The following NCOR2 variants were observed in gnomAD, a reference collection of about 807,000 sequenced individuals.
NCOR2 encodes nuclear receptor corepressor 2, also known as CTG repeat protein 26.
A neutral mutation model predicts 262.9 loss-of-function variants in NCOR2; 81 were observed. The ratio of observed to expected loss-of-function variants is 0.31; its 90% CI spans 0.26 to 0.37. NCOR2 has a LOEUF of 0.37. NCOR2 is among the 10% of genes least tolerant of loss of function. The pLI, the probability that NCOR2 is intolerant of heterozygous loss-of-function variation, is 1.00. For synonymous variants in NCOR2, 1,659 were observed against 1,559.3 expected (o/e 1.06, Z -1.51); for missense variants, 3,385 against 3,621.4 (o/e 0.93, Z 1.68).
At chr12:124,403,174 A>G (rs781091306) in intron 13 of NCOR2, among the ~76,000 whole-genome samples, 1 of 152,108 alleles carries the variant, frequency 6.6e-6, no homozygotes, top group Non-Finnish European at 1.5e-5. Flanking sequence ...CGAGTCTGTA[A>G]AACGGGGAGG....
At chr12:124,337,761 T>C (rs1224848871) in intron 37 of NCOR2, among the ~76,000 whole-genome samples, 2 of 151,888 alleles carry the variant, frequency 1.3e-5, no homozygotes, top group East Asian at 1.9e-4. Flanking sequence ...TTCCCAGCTC[T>C]GTGAGTGAGA....
In NCOR2 at chr12:124,548,398, C is replaced by CA. The variant is rs1365481049; in HGVS notation, c.-164-12788dup. Among the ~76,000 whole-genome samples, 1 of 152,128 alleles carries CA rather than the reference C, an allele frequency of 6.6e-6. No individual in the cohort carries two copies. Among genetic ancestry groups the CA allele is most frequent in the Non-Finnish European group, 1.5e-5 (1 of 68,032 alleles). On this transcript the variant is annotated intron_variant, in intron 1 of 32. Transcript: ENST00000458234. The surrounding 1 kb of genome is among the most constrained non-coding windows in gnomAD (Gnocchi z 5.1). ...TGATGGGATCCCTCTGGCTGCAACT[C>CA]AGAGACCAGACAGGTGTGACCAGAG... is the stretch of plus-strand genomic sequence containing the variant.
At chr12:124,367,835 T>C (rs1484870075) in intron 20 of NCOR2, among the ~76,000 whole-genome samples, 4 of 152,200 alleles carry the variant, frequency 2.6e-5, no homozygotes, top group Non-Finnish European at 4.4e-5. Flanking sequence ...GCTTTCACTA[T>C]GTTGGTCAGG....
At chr12:124,355,302 C>G in intron 24 of NCOR2, 130 bp downstream of exon 26, 1 of 1,173,758 alleles carries the variant, frequency 8.5e-7, no homozygotes, top group Non-Finnish European at 1.2e-6. Context: ...CAGCTCAGAC[C>G]CCAGATGCCT....
At chr12:124,408,424 T>C (rs1159577693) in intron 13 of NCOR2, among the ~76,000 whole-genome samples, 1 of 152,000 alleles carries the variant, frequency 6.6e-6, no homozygotes, top group Non-Finnish European at 1.5e-5. Context: ...ATGGCCATTA[T>C]TAAAAATGGA....
chr12:124,441,328 G>C (rs74825512), intron 7 of NCOR2, among the ~76,000 whole-genome samples: 1,923 of 152,294 alleles, frequency 0.013, 20 homozygotes, highest in South Asian at 0.049. Context: ...GCCAGAGCTG[G>C]AACAATGTGA....
intron 44 of NCOR2, among the ~76,000 whole-genome samples, chr12:124,328,077 C>T (rs1296407319): frequency 6.6e-6 from 1 of 152,078 alleles, no homozygotes; most frequent in African/African-American, 2.4e-5. Context: ...GAGGGCTACC[C>T]TGTTTGGGGA....
chr12:124,559,524 C>G (rs1353365331), intron 1 of NCOR2, among the ~76,000 whole-genome samples: 2 of 152,234 alleles, frequency 1.3e-5, no homozygotes, highest in Non-Finnish European at 2.9e-5. Context: ...GGGCCAGCCT[C>G]TGGTTTCCTC....
At chr12:124,535,540 C>G (rs1014864798) in intron 1 of NCOR2, 25 bp downstream of exon 2, 4 of 152,230 alleles carry the variant, frequency 2.6e-5, no homozygotes, top group African/African-American at 9.7e-5. Context: ...CTGGGGACAC[C>G]AAGTGGAGAC....
At chr12:124,519,534 G>A (rs2050057950) in intron 1 of NCOR2, among the ~76,000 whole-genome samples, 1 of 152,192 alleles carries the variant, frequency 6.6e-6, no homozygotes, top group South Asian at 2.1e-4. Flanking sequence ...AAAGCAGAGA[G>A]AAGGCTGGTG....
intron 38 of NCOR2, chr12:124,335,922 G>A: frequency 2.4e-6 from 1 of 423,484 alleles, no homozygotes; most frequent in Non-Finnish European, 4.3e-6. Context: ...AGGTGGTGGA[G>A]GCCGGGCGAG....
intron 7 of NCOR2, among the ~76,000 whole-genome samples, chr12:124,445,220 C>CT (rs2136466274): frequency 6.6e-6 from 1 of 152,358 alleles, no homozygotes; most frequent in South Asian, 2.1e-4. Flanking sequence ...GTCCCACGCA[C>CT]TTTCACCACA....
At position 124,396,106 on chromosome 12, in the gene NCOR2, T is replaced by C. The variant is rs556203650; in HGVS notation, c.1876+2013A>G. ...GCCACAAACTGTAGGATTCCATTCA[T>C]TGGAAACGCCCAGAACAGGCCAATC... On this transcript the variant is annotated intron_variant, in intron 16 of 46. Transcript: ENST00000405201. Among the ~76,000 whole-genome samples the C allele has an allele frequency of 7.9e-5, 12 of 152,202 alleles. No individual in the cohort carries two copies. The South Asian group carries it at 1.0e-3, about 13-fold the overall frequency.
intron 14 of NCOR2, among the ~76,000 whole-genome samples, chr12:124,402,049 G>T (rs2042013061): frequency 6.6e-6 from 1 of 152,170 alleles, no homozygotes; most frequent in Non-Finnish European, 1.5e-5. Flanking sequence ...CCCCTTCCTG[G>T]CGCCTCAGGA....
Position 124,483,666 on chromosome 12 carries a change from G to A in NCOR2, c.341C>T (p.Pro114Leu), listed in dbSNP as rs1282716507. The A allele has an allele frequency of 6.2e-7, 1 of 1,611,818 alleles. No individual in the cohort carries two copies. Among genetic ancestry groups the A allele is most frequent in the East Asian group, 2.2e-5 (1 of 44,812 alleles). Residue 114 changes from proline to leucine, a missense_variant, in exon 3 of 47, where the codon CCT becomes CTT. Physicochemically the swap from Pro to Leu is moderately conservative, Grantham distance 98. Transcript: ENST00000405201. This position sits in a 1 kb window ranked among gnomAD's most constrained non-coding sequence, Gnocchi z 6.3. The stretch of plus-strand genomic sequence containing the variant: ...GGGTGACGGTCGCAGCAGGGGGTCA[G>A]GCAGCAGCTCTAGCCGAGGGCGCTT...
chr12:124,491,010 G>C (rs762610451), intron 1 of NCOR2, among the ~76,000 whole-genome samples: 2 of 152,268 alleles, frequency 1.3e-5, no homozygotes, highest in Non-Finnish European at 2.9e-5. Context: ...TCTAGGCCAA[G>C]AGGCAGCACA....
rs533115602 is a variant in NCOR2, at chr12:124,408,908, C to T, written c.1483-6347G>A. On this transcript the variant is annotated intron_variant, in intron 13 of 46. Transcript: ENST00000405201. Reference sequence around the variant, plus strand: ...TGCACAGGGTGAGAACAGGATAAGACAGCCTGGTGCTAGGGGCATCTTTCC... The same window carrying T: ...TGCACAGGGTGAGAACAGGATAAGATAGCCTGGTGCTAGGGGCATCTTTCC... Among the ~76,000 whole-genome samples the T allele has an allele frequency of 1.5e-4, 23 of 152,292 alleles. No individual in the cohort carries two copies. The South Asian group carries it at 4.8e-3, about 32-fold the overall frequency.
intron 7 of NCOR2, among the ~76,000 whole-genome samples, chr12:124,444,606 AG>A (rs2136462471): frequency 6.6e-6 from 1 of 152,248 alleles, no homozygotes; most frequent in South Asian, 2.1e-4. Flanking sequence ...CCTGGGTTCT[AG>A]GGAGGGAGGC....
At chr12:124,466,254 G>A (rs772776811) in exon 5 of NCOR2, 187 of 1,608,366 alleles carry the variant, frequency 1.2e-4, no homozygotes, top group Admixed American at 1.8e-4. Flanking sequence ...TCTCAGGCTC[G>A]GGCGGCTTGG....
Sources: gnomAD v4.1 joint callset for allele counts (sites outside exome capture counted in the v4.1 genomes callset) on GRCh38, gnomAD v4.1.1 for gene constraint, Gnocchi (gnomAD v3.1) non-coding constraint, MANE v1.5 for transcripts, NCBI Gene and HGNC (gene_info 2026-07-23, HGNC 2026-07-21) for gene names.